NAP1L4: variants seen among roughly 807,000 people sequenced by gnomAD.
NAP1L4 encodes the protein nucleosome assembly protein 1 like 4.
Under a neutral mutation model 58.2 loss-of-function variants are expected in NAP1L4, and 15 were observed. The ratio of observed to expected loss-of-function variants is 0.26; its 90% CI spans 0.17 to 0.40. The LOEUF (loss-of-function observed/expected upper bound fraction) is 0.40. Among genes scored for constraint, NAP1L4 ranks in the 10% least tolerant of loss-of-function variants. The pLI is 1.00. For missense variants in NAP1L4, 384 were observed against 451.1 expected, an observed-to-expected ratio of 0.85 and a Z score of 1.35; for synonymous variants, 171 against 155.6, an observed-to-expected ratio of 1.10 and a Z score of -0.74.
Position 2,958,224 on chromosome 11 carries a change from C to T in NAP1L4, c.892+175G>A, listed in dbSNP as rs778325022. On this transcript the variant is annotated intron_variant, in intron 10 of 15. Coordinates refer to ENST00000380542, the MANE Select transcript of NAP1L4 (RefSeq NM_005969.4). ...TTACTGTCCTAGCTACCTCTGCCCC[C>T]CGCGATAAACTTGCCAGCGCACCAA... is the stretch of plus-strand genomic sequence containing the variant. 4.2e-6 allele frequency: 3 copies of T among 718,648 alleles called. No individual in the cohort carries two copies. In the South Asian group the frequency reaches 4.5e-5, roughly 11 times the overall value. The allele number at this position is 718,648 out of a possible 1,614,324, so 44.5% of individuals were successfully genotyped here. A position where few individuals can be genotyped will look rare whatever the true frequency, so the allele number is the denominator to read the frequency against.
chr11:2,949,193 T>G lies in NAP1L4; in HGVS notation c.*32+34A>C, dbSNP rs1846093263. On this transcript the variant is annotated intron_variant, in intron 15 of 15. Coordinates refer to ENST00000380542, the MANE Select transcript of NAP1L4 (RefSeq NM_005969.4). This position sits in a 1 kb window ranked among gnomAD's most constrained non-coding sequence, Gnocchi z 4.0. ...ATTGTATAAAGTATAGATCAGAAGT[T>G]TGGAAGTTAGGTATGAATGGAATTC... is the stretch of plus-strand genomic sequence containing the variant. The G allele has an allele frequency of 6.6e-7, 1 of 1,524,536 alleles. No homozygotes were observed. The highest frequency in any genetic ancestry group is 1.4e-5 in the African/African-American group (1 of 72,520). The allele number at this position is 1,524,536 out of a possible 1,614,324, so 94.4% of individuals were successfully genotyped here.
chr11:2,955,905 T>C lies in NAP1L4; in HGVS notation c.893-139A>G, dbSNP rs963032363. 7 of 736,882 alleles carry C rather than the reference T, an allele frequency of 9.5e-6. No homozygotes were observed. The highest frequency in any genetic ancestry group is 8.9e-5 in the African/African-American group (5 of 56,184). The allele number at this position is 736,882 out of a possible 1,614,324, so 45.6% of individuals were successfully genotyped here. ...AGGTTTAACAGAAATCCCCAAAGCCTTGCATCTCCTCACAGACATCTTTGC... is the reference window on the plus strand; with the variant it reads ...AGGTTTAACAGAAATCCCCAAAGCCCTGCATCTCCTCACAGACATCTTTGC... On this transcript the variant is annotated intron_variant, in intron 10 of 15. Coordinates refer to ENST00000380542, the MANE Select transcript of NAP1L4 (RefSeq NM_005969.4). The surrounding 1 kb of genome is among the most constrained non-coding windows in gnomAD (Gnocchi z 4.2).
chr11:2,954,894 G>A lies in NAP1L4; in HGVS notation c.916-248C>T, dbSNP rs1000800822. On this transcript the variant is annotated intron_variant, in intron 11 of 15. Coordinates refer to ENST00000380542, the MANE Select transcript of NAP1L4 (RefSeq NM_005969.4). The surrounding 1 kb of genome is among the most constrained non-coding windows in gnomAD (Gnocchi z 4.8). ...TGAGGGCCCTACAGCTCCACAACTT[G>A]TCCAAAGGTCTCACCCAGAGTAGGC... is the stretch of plus-strand genomic sequence containing the variant. Among the ~76,000 whole-genome samples the A allele has an allele frequency of 4.6e-5, 7 of 152,158 alleles. No individual in the cohort carries two copies. Among genetic ancestry groups the A allele is most frequent in the Non-Finnish European group, 1.0e-4 (7 of 68,028 alleles).
At chr11:2,987,553 C>G (rs1354825069) in intron 1 of NAP1L4, among the ~76,000 whole-genome samples, 2 of 151,180 alleles carry the variant, frequency 1.3e-5, no homozygotes, top group Admixed American at 1.3e-4. Flanking sequence ...GTCAGGAGTT[C>G]GAGACCAGCC....
chr11:2,976,190 A>AT, intron 3 of NAP1L4, 67 bp from the exon 4 acceptor site: 1 of 1,172,444 alleles, frequency 8.5e-7, no homozygotes, highest in South Asian at 1.4e-5. Flanking sequence ...AGAGTCAAAA[A>AT]TTAGTAACAT....
chr11:2,963,074 T>C (rs60026059), intron 8 of NAP1L4, among the ~76,000 whole-genome samples: 31,798 of 129,294 alleles, frequency 0.25, 3,756 homozygotes, highest in South Asian at 0.35. Flanking sequence ...CACTCCAGCC[T>C]GGTGACACAG....
At chr11:2,979,421 C>T (rs1848169442) in intron 1 of NAP1L4, among the ~76,000 whole-genome samples, 184 bp from the exon 2 acceptor site, 1 of 152,142 alleles carries the variant, frequency 6.6e-6, no homozygotes. Context: ...CTTGTTAAAG[C>T]TTATTAAACT....
intron 1 of NAP1L4, among the ~76,000 whole-genome samples, chr11:2,986,101 C>T (rs1001465530): frequency 6.6e-6 from 1 of 151,914 alleles, no homozygotes; most frequent in Admixed American, 6.6e-5. Context: ...TGGCCAGGCA[C>T]GGTGGCTCAC....
At chr11:2,969,294 T>C (rs746929892) in intron 7 of NAP1L4, among the ~76,000 whole-genome samples, 1 of 151,682 alleles carries the variant, frequency 6.6e-6, no homozygotes, top group Non-Finnish European at 1.5e-5. Flanking sequence ...TTAAAAAAAA[T>C]AGACACTTTT....
intron 1 of NAP1L4, among the ~76,000 whole-genome samples, chr11:2,979,740 C>A (rs1366168022): frequency 1.3e-5 from 2 of 151,706 alleles, no homozygotes; most frequent in Non-Finnish European, 2.9e-5. Context: ...CCACTGCACT[C>A]CAGCCTGGGC....
chr11:2,985,181 G>A (rs746175950), intron 1 of NAP1L4, among the ~76,000 whole-genome samples: 1 of 152,162 alleles, frequency 6.6e-6, no homozygotes, highest in South Asian at 2.1e-4. Flanking sequence ...CAACACTAAC[G>A]GAGTTTCAGA....
rs1350212510 is a variant in NAP1L4 at position 2,949,819 on chromosome 11, G to C, written c.1123-555C>G. Among the ~76,000 whole-genome samples, 4 of 152,236 alleles carry C rather than the reference G, an allele frequency of 2.6e-5. No homozygotes were observed. Among genetic ancestry groups the C allele is most frequent in the African/African-American group, 9.7e-5 (4 of 41,448 alleles). ...AGAAAGCAGAACAAACAACAGAGGGGAGGAAAAGAGAAGCTGAGGCACAGA... is the reference window on the plus strand; with the variant it reads ...AGAAAGCAGAACAAACAACAGAGGGCAGGAAAAGAGAAGCTGAGGCACAGA... On this transcript the variant is annotated intron_variant, in intron 14 of 15. Coordinates refer to ENST00000380542, the MANE Select transcript of NAP1L4 (RefSeq NM_005969.4). The surrounding 1 kb of genome is among the most constrained non-coding windows in gnomAD (Gnocchi z 4.0).
Position 2,971,335 on chromosome 11 carries a change from C to T in NAP1L4, c.402+113G>A, listed in dbSNP as rs373568971. The T allele has an allele frequency of 3.6e-5, 30 of 844,366 alleles. No homozygotes were observed. The highest frequency in any genetic ancestry group is 4.5e-5 in the Non-Finnish European group (24 of 534,768). The allele number at this position is 844,366 out of a possible 1,614,324, so 52.3% of individuals were successfully genotyped here. A position where few individuals can be genotyped will look rare whatever the true frequency, so the allele number is the denominator to read the frequency against. ...ATCTAAACCCAACCTAATGATGCAG[C>T]AGCACCTACTGTTAGAAGCACATAA... On this transcript the variant is annotated intron_variant, in intron 6 of 15. Transcript: ENST00000380542. The surrounding 1 kb of genome is among the most constrained non-coding windows in gnomAD (Gnocchi z 4.2).
Position 2,971,616 on chromosome 11 carries a change from C to G in NAP1L4, c.316-82G>C. On this transcript the variant is annotated intron_variant, in intron 5 of 15. Transcript: ENST00000380542. This position sits in a 1 kb window ranked among gnomAD's most constrained non-coding sequence, Gnocchi z 4.2. ...GAGTTAAATTTATAAATAATGTCTA[C>G]TAAAAGACTTTGAAAACTGGATATT... 9.1e-7 allele frequency: 1 copy of G among 1,096,220 alleles called. No individual in the cohort carries two copies. Among genetic ancestry groups the G allele is most frequent in the Non-Finnish European group, 1.3e-6 (1 of 764,670 alleles). The allele number at this position is 1,096,220 out of a possible 1,614,324, so 67.9% of individuals were successfully genotyped here.
At chr11:2,987,585 T>C (rs1046889794) in intron 1 of NAP1L4, among the ~76,000 whole-genome samples, 4 of 150,796 alleles carry the variant, frequency 2.7e-5, no homozygotes, top group African/African-American at 9.7e-5. Context: ...GTGAAACCCG[T>C]CTCTACTAAA....
Position 2,951,135 on chromosome 11 carries a change from T to A in NAP1L4, c.1122+124A>T. ...TCATTCCACTATTTTTCTGACACAT[T>A]TTAAACTTTCTAATTAGGGAATAAT... is the stretch of plus-strand genomic sequence containing the variant. On this transcript the variant is annotated intron_variant, in intron 14 of 15. Coordinates refer to ENST00000380542, the MANE Select transcript of NAP1L4 (RefSeq NM_005969.4). This position sits in a 1 kb window ranked among gnomAD's most constrained non-coding sequence, Gnocchi z 4.0. 1.3e-6 allele frequency: 1 copy of A among 777,836 alleles called. No individual in the cohort carries two copies. Among genetic ancestry groups the A allele is most frequent in the South Asian group, 1.6e-5 (1 of 61,880 alleles). The allele number at this position is 777,836 out of a possible 1,614,324, so 48.2% of individuals were successfully genotyped here.
Position 2,959,165 on chromosome 11 carries a change from C to T in NAP1L4, c.746+605G>A, listed in dbSNP as rs146895536. ...CCTGGAAAATCATCTTTCTAAATTA[C>T]TCTAGCAGGATTTTAATAAAGTCCT... is the stretch of plus-strand genomic sequence containing the variant. On this transcript the variant is annotated intron_variant, in intron 9 of 15. Transcript: ENST00000380542. This position sits in a 1 kb window ranked among gnomAD's most constrained non-coding sequence, Gnocchi z 4.9. Among the ~76,000 whole-genome samples the T allele has an allele frequency of 2.6e-5, 4 of 152,348 alleles. No individual in the cohort carries two copies. The East Asian group carries it at 5.8e-4, about 22-fold the overall frequency.
intron 8 of NAP1L4, among the ~76,000 whole-genome samples, chr11:2,964,479 T>C (rs933417810): frequency 1.3e-5 from 2 of 152,154 alleles, no homozygotes; most frequent in Admixed American, 1.3e-4. Context: ...AGAAAGGCAA[T>C]GGGATCCCCA....
intron 1 of NAP1L4, among the ~76,000 whole-genome samples, chr11:2,984,608 C>T (rs1848519361): frequency 6.6e-6 from 1 of 152,118 alleles, no homozygotes; most frequent in Non-Finnish European, 1.5e-5. Flanking sequence ...AAACACACTT[C>T]AATGGTCCCC....
Sources: allele counts gnomAD v4.1 joint callset (sites outside exome capture counted in the v4.1 genomes callset), GRCh38; gene constraint gnomAD v4.1.1; non-coding constraint Gnocchi (gnomAD v3.1); transcripts MANE v1.5; gene names NCBI Gene and HGNC (gene_info 2026-07-23, HGNC 2026-07-21).